The following HMCN2 variants were observed in gnomAD, a reference collection of about 807,000 sequenced individuals.
The protein encoded by HMCN2 is hemicentin-2.
Under a neutral mutation model 377.5 loss-of-function variants are expected in HMCN2, and 325 were observed. The observed-to-expected ratio is 0.86, with a 90% CI of 0.79 to 0.94. HMCN2 has a LOEUF of 0.94. HMCN2 is among the 40% of genes least tolerant of loss of function. The pLI, the probability that HMCN2 is intolerant of heterozygous loss-of-function variation, is 0.00. For missense variants in HMCN2, 4,543 were observed against 4,725.3 expected, an observed-to-expected ratio of 0.96 and a Z score of 1.13; for synonymous variants, 2,007 against 2,046.8, an observed-to-expected ratio of 0.98 and a Z score of 0.53.
chr9:130,311,090 T>G (rs919987585), intron 15 of HMCN2, among the ~76,000 whole-genome samples: 130 of 152,322 alleles, frequency 8.5e-4, no homozygotes, highest in African/African-American at 3.0e-3. Flanking sequence ...CACTGGGACT[T>G]GCTCGGAAGC....
intron 85 of HMCN2, among the ~76,000 whole-genome samples, chr9:130,415,611 A>T (rs1008802506): frequency 5.9e-5 from 9 of 152,358 alleles, no homozygotes; most frequent in African/African-American, 2.2e-4. Context: ...AGTGAAAAAA[A>T]CAGAAAATCT....
chr9:130,432,470 G>A lies in HMCN2; in HGVS notation c.14809G>A (p.Gly4937Ser), dbSNP rs770688201. ...GGAGGAGAGCATCGAGTGTGGACCCGGCCAGATGTGCTTCAACACCCGTGG... is the reference window on the plus strand; with the variant it reads ...GGAGGAGAGCATCGAGTGTGGACCCAGCCAGATGTGCTTCAACACCCGTGG... ...CEEESIECGPGQMCFNTRGSY... is the reference protein window; with the variant it reads ...CEEESIECGPSQMCFNTRGSY... The change falls in exon 97 of 98, where the codon GGC becomes AGC. Residue 4937 changes from glycine to serine, a missense_variant. By Grantham distance (56) the Gly-to-Ser change is moderately conservative. Transcript: ENST00000683500. 100 of 1,550,790 alleles carry A rather than the reference G, an allele frequency of 6.4e-5. No individual in the cohort carries two copies. Among genetic ancestry groups the A allele is most frequent in the Non-Finnish European group, 7.9e-5 (91 of 1,147,048 alleles).
At chr9:130,368,245 G>A (rs1351984837) in intron 43 of HMCN2, 31 bp from the exon 44 acceptor site, 1 of 985,102 alleles carries the variant, frequency 1.0e-6, no homozygotes, top group African/African-American at 1.7e-5. Flanking sequence ...CAAATGCCCT[G>A]GACCAGGAGT....
chr9:130,316,401 C>T (rs1403535864), intron 15 of HMCN2, among the ~76,000 whole-genome samples: 4 of 144,868 alleles, frequency 2.8e-5, no homozygotes, highest in Admixed American at 1.4e-4. Context: ...GCTGAAGTCC[C>T]AGATGTGTGG....
rs1844913723 is a variant in HMCN2 at position 130,433,673 on chromosome 9, G to A, written c.15220G>A (p.Val5074Met). The change falls in exon 98 of 98, where the codon GTG becomes ATG. Residue 5074 changes from valine to methionine, a missense_variant. By Grantham distance (21) the Val-to-Met change is conservative. This residue lies in a region of HMCN2 where 1,155 missense variants were observed against 1,157.7 expected (regional missense o/e 1.00). Coordinates refer to ENST00000683500, the MANE Select transcript of HMCN2 (RefSeq NM_001291815.2). ...AAGCGTCTTCGTCTTGCTCATCGCCGTGTCCCCCTACCCCTACTAAACGGG... is the reference window on the plus strand; with the variant it reads ...AAGCGTCTTCGTCTTGCTCATCGCCATGTCCCCCTACCCCTACTAAACGGG... The part of the protein sequence containing the change: ...HQSVFVLLIA[V>M]SPYPY The A allele has an allele frequency of 3.3e-6, 5 of 1,506,310 alleles. No individual in the cohort carries two copies. Among genetic ancestry groups the A allele is most frequent in the Admixed American group, 2.3e-5 (1 of 43,846 alleles). 93.3% of individuals were successfully genotyped at this position (1,506,310 alleles called of 1,614,324 possible). A position where few individuals can be genotyped will look rare whatever the true frequency, so the allele number is the denominator to read the frequency against.
At position 130,425,803 on chromosome 9, in the gene HMCN2, C is replaced by T; in HGVS notation, c.13758C>T (p.Tyr4586=). 1 of 1,550,604 alleles carries T rather than the reference C, an allele frequency of 6.4e-7. No homozygotes were observed. Among genetic ancestry groups the T allele is most frequent in the African/African-American group, 1.4e-5 (1 of 73,180 alleles). ...TACGCTGCAACCACAGCATCCAGTA[C>T]AACGCGGCCCGGGGCCCCCAGCCCC... ...SFLRCNHSIQ[Y]NAARGPQPQL... is the part of the protein sequence containing the mutation. The change falls in exon 90 of 98, where the codon TAC becomes TAT. Residue 4586 remains tyrosine, a synonymous_variant. Coordinates refer to ENST00000683500, the MANE Select transcript of HMCN2 (RefSeq NM_001291815.2).
intron 95 of HMCN2, chr9:130,431,093 G>A (rs1844719166): frequency 1.9e-6 from 1 of 539,364 alleles, no homozygotes; most frequent in Non-Finnish European, 3.3e-6. Flanking sequence ...TGATGCCTCG[G>A]CATTCCCGCC....
intron 22 of HMCN2, among the ~76,000 whole-genome samples, chr9:130,335,057 G>A (rs1838671474): frequency 6.6e-6 from 1 of 152,104 alleles, no homozygotes; most frequent in East Asian, 1.9e-4. Flanking sequence ...ACTGTGTGCT[G>A]CCTTTTCAAA....
chr9:130,325,096 CTTT>C (rs878863979), intron 19 of HMCN2, among the ~76,000 whole-genome samples: 3 of 128,062 alleles, frequency 2.3e-5, no homozygotes, highest in African/African-American at 5.8e-5. Flanking sequence ...TCTTCTTCTT[CTTT>C]TTTTTTTTTT....
chr9:130,399,034 C>T (rs1234091051), intron 75 of HMCN2, among the ~76,000 whole-genome samples: 9 of 152,060 alleles, frequency 5.9e-5, no homozygotes, highest in African/African-American at 2.2e-4. Context: ...GGGAGGATTG[C>T]TTGAGGCCAG....
chr9:130,433,599 G>T lies in HMCN2; in HGVS notation c.15146G>T (p.Arg5049Leu), dbSNP rs745580935. The T allele has an allele frequency of 6.6e-7, 1 of 1,513,738 alleles. No individual in the cohort carries two copies. The highest frequency in any genetic ancestry group is 2.7e-5 in the East Asian group (1 of 36,406). 93.8% of individuals were successfully genotyped at this position (1,513,738 alleles called of 1,614,324 possible). The part of the protein sequence containing the change: ...GAVYTRRALT[R>L]AGLYRLTVRA... ...GTCTACACCCGTCGCGCGCTCACCC[G>T]CGCCGGCCTCTACCGGCTCACCGTG... Residue 5049 changes from arginine (R) to leucine (L), a missense_variant, in exon 98 of 98, where the codon CGC (arginine) becomes CTC (leucine). Transcript: ENST00000683500.
At chr9:130,277,962 C>T (rs1266402304) in intron 1 of HMCN2, among the ~76,000 whole-genome samples, 2 of 117,470 alleles carry the variant, frequency 1.7e-5, no homozygotes, top group South Asian at 3.4e-4. Context: ...TCACCACCAC[C>T]ACCACCATCA....
rs1053199100 is a variant in HMCN2, at chr9:130,423,901, GCTCCGTGGTGACCCGGGGCC to G, written c.13382-871_13382-852del. Among the ~76,000 whole-genome samples, 8 of 152,182 alleles carry G rather than the reference GCTCCGTGGTGACCCGGGGCC, an allele frequency of 5.3e-5. No individual in the cohort carries two copies. Among genetic ancestry groups the G allele is most frequent in the African/African-American group, 1.9e-4 (8 of 41,432 alleles). On this transcript the variant is annotated intron_variant, in intron 87 of 97. Transcript: ENST00000683500. The surrounding 1 kb of genome is among the most constrained non-coding windows in gnomAD (Gnocchi z 5.5). The stretch of plus-strand genomic sequence containing the variant: ...ATAATGACAGTCTGTGGAGTCCCTG[GCTCCGTGGTGACCCGGGGCC>G]CTCAATCGGTATTTGTTGAACTGAG...
chr9:130,289,815 G>A (rs1372463024), intron 4 of HMCN2, among the ~76,000 whole-genome samples: 1 of 152,128 alleles, frequency 6.6e-6, no homozygotes, highest in African/African-American at 2.4e-5. Flanking sequence ...CCCTGACTAG[G>A]GTTCTCTCTC....
intron 15 of HMCN2, among the ~76,000 whole-genome samples, chr9:130,310,789 G>C (rs1393854636): frequency 6.6e-6 from 1 of 152,090 alleles, no homozygotes; most frequent in Non-Finnish European, 1.5e-5. Flanking sequence ...TTCCAGTCTC[G>C]TCTCTGTCCC....
rs149255152 is a variant in HMCN2 at position 130,404,432 on chromosome 9, C to G, written c.12149-437C>G. Among the ~76,000 whole-genome samples the G allele has an allele frequency of 2.2e-3, 337 of 152,282 alleles. 2 individuals are homozygous for G. The highest frequency in any genetic ancestry group is 6.0e-3 in the South Asian group (29 of 4,826). On this transcript the variant is annotated intron_variant, in intron 80 of 97. Coordinates refer to ENST00000683500, the MANE Select transcript of HMCN2 (RefSeq NM_001291815.2). ...TCCTCTCCCCTGGGACCTGTAGCAT[C>G]GCTGGTCACCAGACCAGCCAGACAC...
At chr9:130,399,444 A>G in intron 75 of HMCN2, 67 bp from the exon 76 acceptor site, 1 of 1,199,274 alleles carries the variant, frequency 8.3e-7, no homozygotes, top group East Asian at 6.0e-5. Flanking sequence ...AGACCCCCAC[A>G]GCCAGAAAGC....
intron 95 of HMCN2, 175 bp from the exon 96 acceptor site, chr9:130,431,192 G>C (rs75878922): frequency 0.05 from 32,804 of 656,404 alleles, 1,211 homozygotes; most frequent in African/African-American, 0.16. Context: ...CTCCCTCTCA[G>C]CAAGCACAGG....
chr9:130,287,023 T>C (rs1835449677), intron 4 of HMCN2, among the ~76,000 whole-genome samples: 1 of 152,014 alleles, frequency 6.6e-6, no homozygotes, highest in Admixed American at 6.5e-5. Flanking sequence ...TGAACAACGC[T>C]CTCTCTGGAA....
Sources: allele counts gnomAD v4.1 joint callset (sites outside exome capture counted in the v4.1 genomes callset), GRCh38; gene constraint gnomAD v4.1.1; regional missense constraint gnomAD v4.1.1; non-coding constraint Gnocchi (gnomAD v3.1); transcripts MANE v1.5; gene names NCBI Gene and HGNC (gene_info 2026-07-23, HGNC 2026-07-21).